Variants in BRWD3 observed in about 807,000 individuals in gnomAD.
BRWD3 encodes the protein bromodomain and WD repeat domain containing 3.
BRWD3 carries 10 observed loss-of-function variants against 149.7 expected under a neutral mutation model. The observed-to-expected ratio is 0.07, with a 90% CI of 0.04 to 0.11. The LOEUF is 0.11. Ranked by LOEUF, BRWD3 falls within the 10% of genes least tolerant of loss-of-function variation. BRWD3 has a pLI of 1.00. For missense variants in BRWD3, 940 were observed against 1,373.2 expected, an observed-to-expected ratio of 0.68 and a Z score of 4.99; for synonymous variants, 504 against 456.7, an observed-to-expected ratio of 1.10 and a Z score of -1.32.
intron 8 of BRWD3, among the ~76,000 whole-genome samples, chrX:80,739,666 G>C (rs1446432428): frequency 2.7e-5 from 3 of 111,640 alleles, no homozygotes; most frequent in African/African-American, 9.7e-5. Flanking sequence ...CACATATCAA[G>C]ACCTCCAGTG....
chrX:80,719,441 T>A (rs1235900840), intron 18 of BRWD3, 48 bp downstream of exon 18: 10 of 1,071,588 alleles, frequency 9.3e-6, no homozygotes, highest in Non-Finnish European at 1.3e-5. Flanking sequence ...AAAAGTAAAA[T>A]AATTACAGTA....
chrX:80,760,158 T>C (rs1434136656), intron 6 of BRWD3, among the ~76,000 whole-genome samples: 1 of 112,130 alleles, frequency 8.9e-6, no homozygotes, highest in Non-Finnish European at 1.9e-5. Context: ...ATGTTTTCTC[T>C]TGTGAATTAC....
chrX:80,710,776 A>AGT, intron 20 of BRWD3: 22 of 437,414 alleles, frequency 5.0e-5, no homozygotes, highest in Non-Finnish European at 8.8e-5. Flanking sequence ...TGATGATACT[A>AGT]ATCATCAGTA....
At chrX:80,689,372 T>C (rs2072581003) in intron 33 of BRWD3, among the ~76,000 whole-genome samples, 1 of 111,734 alleles carries the variant, frequency 8.9e-6, no homozygotes, top group Non-Finnish European at 1.9e-5. Context: ...ACCAAAAATT[T>C]AGACTTTCAA....
chrX:80,704,792 T>A lies in BRWD3; in HGVS notation c.2607A>T (p.Gln869His), dbSNP rs1476751739. The A allele has an allele frequency of 8.3e-7, 1 of 1,210,943 alleles. No individual in the cohort carries two copies. Among genetic ancestry groups the A allele is most frequent in the Non-Finnish European group, 1.1e-6 (1 of 894,800 alleles). ...DWTADAGINLQPPKRQTRQTT... is the reference protein window; with the variant it reads ...DWTADAGINLHPPKRQTRQTT... ...TCTGTCTGGTTTGTCTTTTTGGGGGTTGTAAATTTATTCCAGCATCTGCTG... is the reference window on the plus strand; with the variant it reads ...TCTGTCTGGTTTGTCTTTTTGGGGGATGTAAATTTATTCCAGCATCTGCTG... Residue 869 changes from glutamine to histidine, a missense_variant, in exon 23 of 41, where the codon CAA becomes CAT. This residue lies in a region of BRWD3 where 158 missense variants were observed against 284.0 expected (regional missense o/e 0.56). Coordinates refer to ENST00000373275, the MANE Select transcript of BRWD3 (RefSeq NM_153252.5).
rs1228306009 is a variant in BRWD3 at position 80,809,034 on chromosome X, C to A, written c.99G>T (p.Val33=). 4 of 1,191,753 alleles carry A rather than the reference C, an allele frequency of 3.4e-6. No homozygotes were observed. In the African/African-American group the frequency reaches 7.1e-5, roughly 21 times the overall value. The part of the protein sequence containing the change: ...GPCNKSAQVL[V]QELEEHQLIP... The stretch of plus-strand genomic sequence containing the variant: ...GTACCTGATGCTCCTCGAGCTCCTG[C>A]ACTAGCACCTGAGCAAAAGGGAAAC... The change falls in exon 3 of 41, where the codon GTG becomes GTT. Residue 33 remains valine, a synonymous_variant. Coordinates refer to ENST00000373275, the MANE Select transcript of BRWD3 (RefSeq NM_153252.5).
At chrX:80,732,081 A>G (rs904995685) in intron 12 of BRWD3, among the ~76,000 whole-genome samples, 1 of 110,769 alleles carries the variant, frequency 9.0e-6, no homozygotes, top group Non-Finnish European at 1.9e-5. Context: ...TATTTAAAAT[A>G]TTGTATAAAA....
At chrX:80,708,798 G>A (rs1333843686) in intron 21 of BRWD3, among the ~76,000 whole-genome samples, 19 of 106,695 alleles carry the variant, frequency 1.8e-4, no homozygotes, top group Non-Finnish European at 1.2e-4. Context: ...CCTGGGGACA[G>A]AGTGAGACTC....
intron 4 of BRWD3, among the ~76,000 whole-genome samples, chrX:80,803,086 C>T (rs1199477437): frequency 1.2e-5 from 1 of 83,207 alleles, no homozygotes; most frequent in Non-Finnish European, 2.2e-5. Context: ...TGGGCGACAG[C>T]GCAAGACTCC....
At position 80,756,765 on chromosome X, in the gene BRWD3, G is replaced by A. The variant is rs189102662; in HGVS notation, c.431-11036C>T. ...AGCATGAATATCACACACTTCCTTGGGGGGAGGAGAATGCTCCAAACCATT... is the reference window on the plus strand; with the variant it reads ...AGCATGAATATCACACACTTCCTTGAGGGGAGGAGAATGCTCCAAACCATT... On this transcript the variant is annotated intron_variant, in intron 6 of 40. Coordinates refer to ENST00000373275, the MANE Select transcript of BRWD3 (RefSeq NM_153252.5). Among the ~76,000 whole-genome samples the A allele has an allele frequency of 4.5e-5, 5 of 111,082 alleles. No homozygotes were observed. In the East Asian group the frequency reaches 1.4e-3, roughly 32 times the overall value.
chrX:80,692,188 T>C lies in BRWD3; in HGVS notation c.3264-38A>G. On this transcript the variant is annotated intron_variant, in intron 28 of 40. Coordinates refer to ENST00000373275, the MANE Select transcript of BRWD3 (RefSeq NM_153252.5). The stretch of plus-strand genomic sequence containing the variant: ...AAGAAGATGCAAATCAAATTAATCA[T>C]ATAGTACTTCCTTTCATATACTACC... 4 of 1,121,520 alleles carry C rather than the reference T, an allele frequency of 3.6e-6. No homozygotes were observed. In the African/African-American group the frequency reaches 5.4e-5, roughly 15 times the overall value. 92.4% of individuals were successfully genotyped at this position (1,121,520 alleles called of 1,213,427 possible).
rs183317709 is a variant in BRWD3, at chrX:80,808,747, C to A, written c.121-149G>T. Reference sequence around the variant, plus strand: ...CGGCCTGATAGCTATTGGCTCAGAGCTAGACAAGTATATGGGGGGGGGGGG... The same window carrying A: ...CGGCCTGATAGCTATTGGCTCAGAGATAGACAAGTATATGGGGGGGGGGGG... On this transcript the variant is annotated intron_variant, in intron 3 of 40. Coordinates refer to ENST00000373275, the MANE Select transcript of BRWD3 (RefSeq NM_153252.5). The A allele has an allele frequency of 1.2e-4, 48 of 407,516 alleles. No individual in the cohort carries two copies. The East Asian group carries it at 2.0e-3, about 17-fold the overall frequency. 33.6% of individuals were successfully genotyped at this position (407,516 alleles called of 1,213,427 possible).
In BRWD3 at chrX:80,682,477, C is replaced by G; in HGVS notation, c.4385G>C (p.Ser1462Thr). Reference protein sequence around the residue: ...LRSSSSSLSSSGAPSPKGKQK... With the variant: ...LRSSSSSLSSTGAPSPKGKQK... ...AATGTAATGATACCTAGGTGCTCCA[C>G]TACTAGATAATGAACTGCTGCTGCT... The change falls in exon 38 of 41, where the codon AGT (serine) becomes ACT (threonine). Residue 1462 changes from serine to threonine, a missense_variant. Physicochemically the swap from Ser to Thr is moderately conservative, Grantham distance 58. Around this residue, in one of 6 missense-constraint regions of BRWD3, gnomAD observed 349 missense variants for 419.6 expected, o/e 0.83. Coordinates refer to ENST00000373275, the MANE Select transcript of BRWD3 (RefSeq NM_153252.5). 8.3e-7 allele frequency: 1 copy of G among 1,210,386 alleles called. No individual in the cohort carries two copies. Among genetic ancestry groups the G allele is most frequent in the Non-Finnish European group, 1.1e-6 (1 of 894,622 alleles).
intron 6 of BRWD3, among the ~76,000 whole-genome samples, chrX:80,750,280 A>G (rs1414158147): frequency 9.0e-6 from 1 of 111,516 alleles, no homozygotes; most frequent in Admixed American, 9.6e-5. Flanking sequence ...AGCAAAGGAA[A>G]TGATTAGCAG....
rs755407343 is a variant in BRWD3, at chrX:80,696,709, TCAAA to T, written c.3068+26_3068+29del. On this transcript the variant is annotated intron_variant, in intron 26 of 40. Coordinates refer to ENST00000373275, the MANE Select transcript of BRWD3 (RefSeq NM_153252.5). Reference sequence around the variant, plus strand: ...ACAATAGGTATTAAAATACACACACTCAAACAGAGACTCAGAGATAACTACTCAC... The same window carrying T: ...ACAATAGGTATTAAAATACACACACTCAGAGACTCAGAGATAACTACTCAC... The T allele has an allele frequency of 2.2e-4, 260 of 1,203,517 alleles. 2 individuals carry two copies. In the South Asian group the frequency reaches 4.3e-3, roughly 20 times the overall value.
At position 80,671,356 on chromosome X, in the gene BRWD3, T is replaced by C. The variant is rs1159739793; in HGVS notation, c.*5253A>G. 2.7e-5 allele frequency: 3 copies of C among 112,074 alleles called. No individual in the cohort carries two copies. The highest frequency in any genetic ancestry group is 9.7e-5 in the African/African-American group (3 of 30,857). The allele number at this position is 112,074 out of a possible 1,213,427, so 9.2% of individuals were successfully genotyped here. ...ACAAAAAACAAAACCTTTTCTTTGA[T>C]AGGAAGAAGCATCCTAGTTTCTCAG... On this transcript the variant is annotated 3_prime_UTR_variant, in exon 41 of 41. Coordinates refer to ENST00000373275, the MANE Select transcript of BRWD3 (RefSeq NM_153252.5).
intron 8 of BRWD3, among the ~76,000 whole-genome samples, chrX:80,741,501 G>T (rs1013239157): frequency 2.6e-4 from 29 of 111,743 alleles, no homozygotes; most frequent in African/African-American, 9.1e-4. Context: ...TTCCACAATG[G>T]TTGAACTAGT....
chrX:80,711,129 G>A (rs2072959379), intron 20 of BRWD3, among the ~76,000 whole-genome samples: 1 of 111,944 alleles, frequency 8.9e-6, no homozygotes, highest in Non-Finnish European at 1.9e-5. Flanking sequence ...TATAATGTGT[G>A]TTTATTTAGT....
intron 35 of BRWD3, 90 bp downstream of exon 35, chrX:80,686,773 A>T (rs1230309217): frequency 1.1e-6 from 1 of 924,641 alleles, no homozygotes; most frequent in African/African-American, 2.0e-5. Context: ...AGGAAAGGAG[A>T]GGTGAGAAAA....
Sources: gnomAD v4.1 joint callset for allele counts (sites outside exome capture counted in the v4.1 genomes callset) on GRCh38, gnomAD v4.1.1 for gene constraint, gnomAD v4.1.1 regional missense constraint, MANE v1.5 for transcripts, NCBI Gene and HGNC (gene_info 2026-07-23, HGNC 2026-07-21) for gene names.